CTNND2: variants seen among roughly 807,000 people sequenced by gnomAD.
The protein encoded by CTNND2 is catenin delta-2.
Under a neutral mutation model 144.4 loss-of-function variants are expected in CTNND2, and 22 were observed. That is an observed-to-expected ratio of 0.15 (90% CI 0.11 to 0.22). CTNND2 has a LOEUF of 0.22. Ranked by LOEUF, CTNND2 falls within the 10% of genes least tolerant of loss-of-function variation. CTNND2 has a pLI of 1.00. For missense variants in CTNND2, 1,353 were observed against 1,618.8 expected, an observed-to-expected ratio of 0.84 and a Z score of 2.82; for synonymous variants, 751 against 695.6, an observed-to-expected ratio of 1.08 and a Z score of -1.25.
chr5:11,293,220 T>C (rs1040733150), intron 9 of CTNND2, among the ~76,000 whole-genome samples: 4 of 152,190 alleles, frequency 2.6e-5, no homozygotes, highest in African/African-American at 7.2e-5. Context: ...CCCAAGTTCA[T>C]ACACACTAAA....
chr5:11,259,063 T>C (rs1367881557), intron 9 of CTNND2, among the ~76,000 whole-genome samples: 1 of 152,208 alleles, frequency 6.6e-6, no homozygotes, highest in Non-Finnish European at 1.5e-5. Context: ...GATTACCATC[T>C]ACAATCAGTT....
intron 1 of CTNND2, among the ~76,000 whole-genome samples, chr5:11,858,655 C>T (rs1004315979): frequency 5.3e-5 from 8 of 152,174 alleles, no homozygotes; most frequent in Admixed American, 1.3e-4. Context: ...ACAGGCTGGG[C>T]ACGGTGGCTC....
At chr5:11,726,507 T>A (rs991771471) in intron 2 of CTNND2, among the ~76,000 whole-genome samples, 1 of 152,224 alleles carries the variant, frequency 6.6e-6, no homozygotes, top group Admixed American at 6.5e-5. Context: ...TTATTTTTCC[T>A]ATCTAATGTT....
intron 2 of CTNND2, among the ~76,000 whole-genome samples, chr5:11,676,898 C>T (rs1042283838): frequency 1.3e-5 from 2 of 152,056 alleles, no homozygotes; most frequent in African/African-American, 4.8e-5. Context: ...AATATATTAC[C>T]ATTCAATTAT....
chr5:11,267,689 C>T (rs1745589711), intron 9 of CTNND2, among the ~76,000 whole-genome samples: 1 of 152,118 alleles, frequency 6.6e-6, no homozygotes, highest in Admixed American at 6.5e-5. Context: ...CTGATAATAA[C>T]CAGAATTGTC....
chr5:11,354,770 A>G (rs753326920), intron 8 of CTNND2, among the ~76,000 whole-genome samples: 19 of 152,208 alleles, frequency 1.2e-4, no homozygotes, highest in Non-Finnish European at 2.2e-4. Context: ...ACATTTATAG[A>G]ACATTCCATC....
At chr5:11,119,163 G>A (rs2149697106) in intron 12 of CTNND2, among the ~76,000 whole-genome samples, 1 of 152,198 alleles carries the variant, frequency 6.6e-6, no homozygotes, top group Middle Eastern at 3.4e-3. Context: ...AAGGGCTTCA[G>A]GCCTGTTGTC....
At chr5:11,224,334 T>G (rs982592816) in intron 10 of CTNND2, among the ~76,000 whole-genome samples, 2 of 152,170 alleles carry the variant, frequency 1.3e-5, no homozygotes, top group Non-Finnish European at 2.9e-5. Context: ...CTGGCTGCAA[T>G]AGTGCTCACT....
At chr5:11,193,254 A>T (rs1736512505) in intron 11 of CTNND2, among the ~76,000 whole-genome samples, 1 of 152,214 alleles carries the variant, frequency 6.6e-6, no homozygotes, top group Non-Finnish European at 1.5e-5. Context: ...GGCAAGAGGT[A>T]TTGATTCTTT....
At chr5:11,370,437 G>T (rs1192278543) in intron 7 of CTNND2, among the ~76,000 whole-genome samples, 1 of 151,696 alleles carries the variant, frequency 6.6e-6, no homozygotes, top group Non-Finnish European at 1.5e-5. Flanking sequence ...AGAGGAGATG[G>T]GCATATTTAT....
intron 1 of CTNND2, among the ~76,000 whole-genome samples, chr5:11,898,695 C>CA (rs536948489): frequency 4.5e-4 from 68 of 151,756 alleles, no homozygotes; most frequent in African/African-American, 1.4e-3. Flanking sequence ...TACTTTGATC[C>CA]AAAAAAACAA....
chr5:11,642,017 T>C (rs1369968315), intron 2 of CTNND2, among the ~76,000 whole-genome samples: 1 of 152,148 alleles, frequency 6.6e-6, no homozygotes, highest in Non-Finnish European at 1.5e-5. Context: ...TTTAGGGTAA[T>C]TGTTTTTCTC....
At chr5:11,566,739 G>A (rs1777136168) in intron 2 of CTNND2, among the ~76,000 whole-genome samples, 1 of 152,208 alleles carries the variant, frequency 6.6e-6, no homozygotes, top group African/African-American at 2.4e-5. Flanking sequence ...TAGGACGGAT[G>A]TTGCTCTTGG....
chr5:11,083,064 T>C (rs1386449657), intron 15 of CTNND2, among the ~76,000 whole-genome samples: 2 of 152,240 alleles, frequency 1.3e-5, no homozygotes, highest in Non-Finnish European at 2.9e-5. Flanking sequence ...GGTTAATCAG[T>C]GAACCACATT....
intron 12 of CTNND2, among the ~76,000 whole-genome samples, chr5:11,147,011 C>G (rs1018634898): frequency 6.6e-6 from 1 of 152,180 alleles, no homozygotes; most frequent in African/African-American, 2.4e-5. Context: ...AGTTATTAGG[C>G]AGCTGGCACA....
intron 3 of CTNND2, among the ~76,000 whole-genome samples, chr5:11,423,442 G>A (rs1303647811): frequency 6.6e-6 from 1 of 152,184 alleles, no homozygotes; most frequent in Non-Finnish European, 1.5e-5. Flanking sequence ...GTATATCAAG[G>A]TTCCCAGACA....
intron 15 of CTNND2, among the ~76,000 whole-genome samples, chr5:11,091,154 C>T (rs1750729682): frequency 6.6e-6 from 1 of 152,082 alleles, no homozygotes; most frequent in Admixed American, 6.5e-5. Context: ...CTACATATAG[C>T]GGGTGCCACT....
intron 18 of CTNND2, among the ~76,000 whole-genome samples, chr5:11,014,945 T>G (rs1008066205): frequency 6.6e-6 from 1 of 152,240 alleles, no homozygotes; most frequent in African/African-American, 2.4e-5. Flanking sequence ...TAAGTTTCTT[T>G]CCCTTAATTC....
At chr5:11,607,260 G>A (rs1780099157) in intron 2 of CTNND2, among the ~76,000 whole-genome samples, 1 of 152,134 alleles carries the variant, frequency 6.6e-6, no homozygotes. Context: ...AAGCCACTTG[G>A]TTTCTGGTAG....
Sources: allele counts gnomAD v4.1 joint callset (sites outside exome capture counted in the v4.1 genomes callset), GRCh38; gene constraint gnomAD v4.1.1; transcripts MANE v1.5; gene names NCBI Gene and HGNC (gene_info 2026-07-23, HGNC 2026-07-21).